Variants in DIDO1 observed in about 807,000 individuals in gnomAD.
The protein encoded by DIDO1 is death-inducer obliterator 1.
DIDO1 carries 16 observed loss-of-function variants against 99.4 expected under a neutral mutation model. The observed-to-expected ratio is 0.16, with a 90% confidence interval of 0.11 to 0.24. The LOEUF is 0.24. Among genes scored for constraint, DIDO1 ranks in the 10% least tolerant of loss-of-function variants. DIDO1 has a pLI of 1.00. For synonymous variants in DIDO1, 1,366 were observed against 1,239.1 expected, an observed-to-expected ratio of 1.10 and a Z score of -2.15; for missense variants, 2,996 against 3,014.0, an observed-to-expected ratio of 0.99 and a Z score of 0.14.
In DIDO1 at chr20:62,879,317, G is replaced by A. The variant is rs920557362; in HGVS notation, c.6639C>T (p.Asp2213=). 5 of 1,569,930 alleles carry A rather than the reference G, an allele frequency of 3.2e-6. No individual in the cohort carries two copies. Among genetic ancestry groups the A allele is most frequent in the Non-Finnish European group, 4.3e-6 (5 of 1,159,904 alleles). ...RDRERGRDRK[D]RSKSKESARD... is the part of the protein sequence containing the mutation. ...GAGCGCTCTCTTTGCTCTTGCTCCG[G>A]TCCTTGCGGTCGCGGCCCCGCTCCC... The change falls in exon 16 of 16, where the codon GAC becomes GAT. Residue 2213 remains aspartate (D), a synonymous_variant. Transcript: ENST00000395343. This position sits in a 1 kb window ranked among gnomAD's most constrained non-coding sequence, Gnocchi z 6.3.
In DIDO1 at chr20:62,907,341, C is replaced by T. The variant is rs1294653395; in HGVS notation, c.1180G>A (p.Ala394Thr). Reference protein sequence around the residue: ...IFQPVIEAPGASKCIGPGCCH... With the variant: ...IFQPVIEAPGTSKCIGPGCCH... ...CACCCGGGGCCAATACATTTTGAGG[C>T]ACCAGGCGCCTCTATCACCTGCAGA... is the stretch of plus-strand genomic sequence containing the variant. The change falls in exon 5 of 16, where the codon GCC (alanine) becomes ACC (threonine). Residue 394 changes from alanine to threonine, a missense_variant. By Grantham distance (58) the Ala-to-Thr change is moderately conservative. Coordinates refer to ENST00000395343, the MANE Select transcript of DIDO1 (RefSeq NM_001193369.2). 1.9e-6 allele frequency: 3 copies of T among 1,614,058 alleles called. No individual in the cohort carries two copies. The highest frequency in any genetic ancestry group is 2.5e-6 in the Non-Finnish European group (3 of 1,180,034).
At position 62,886,218 on chromosome 20, in the gene DIDO1, C is replaced by T. The variant is rs970531996; in HGVS notation, c.3542-3804G>A. Among the ~76,000 whole-genome samples the T allele has an allele frequency of 3.3e-5, 5 of 152,248 alleles. No individual in the cohort carries two copies. In the South Asian group the frequency reaches 6.2e-4, roughly 19 times the overall value. ...GACCAGGGCCTGGAGACGCCAGCTG[C>T]GGCTAAACGTGCCCCTGCACTTCCA... is the stretch of plus-strand genomic sequence containing the variant. On this transcript the variant is annotated intron_variant, in intron 15 of 15. Transcript: ENST00000395343.
Position 62,894,987 on chromosome 20 carries a change from A to T in DIDO1, c.2331+62T>A. ...GAAAGCATCGCTTATGCAGCCGTCT[A>T]TGAATTTATTTCTATTAAGCTCGAG... On this transcript the variant is annotated intron_variant, in intron 9 of 15. Transcript: ENST00000395343. The surrounding 1 kb of genome is among the most constrained non-coding windows in gnomAD (Gnocchi z 4.4). The T allele has an allele frequency of 2.5e-6, 4 of 1,597,614 alleles. No individual in the cohort carries two copies. Among genetic ancestry groups the T allele is most frequent in the Non-Finnish European group, 3.4e-6 (4 of 1,166,252 alleles).
At chr20:62,900,927 T>C (rs531487614) in intron 6 of DIDO1, among the ~76,000 whole-genome samples, 1 of 152,354 alleles carries the variant, frequency 6.6e-6, no homozygotes, top group South Asian at 2.1e-4. Context: ...GTCAGGCCTA[T>C]TTGCAGCCCT....
At chr20:62,882,485 T>G in intron 15 of DIDO1, 71 bp from the exon 16 acceptor site, 1 of 1,421,144 alleles carries the variant, frequency 7.0e-7, no homozygotes, top group Non-Finnish European at 9.6e-7. Context: ...GTGAATTTCA[T>G]TAAGGGCTTT....
chr20:62,893,550 T>C, intron 12 of DIDO1, 116 bp downstream of exon 12: 1 of 1,237,864 alleles, frequency 8.1e-7, no homozygotes, highest in South Asian at 1.7e-5. Context: ...GATGAAAGAG[T>C]GAAGCTGTAT....
At chr20:62,915,378 T>C (rs1042449437) in intron 1 of DIDO1, among the ~76,000 whole-genome samples, 1 of 152,210 alleles carries the variant, frequency 6.6e-6, no homozygotes, top group Non-Finnish European at 1.5e-5. Context: ...ATCTCTTCAA[T>C]GTGGTAAAAC....
Position 62,880,364 on chromosome 20 carries a change from C to T in DIDO1, c.5592G>A (p.Thr1864=), listed in dbSNP as rs776344696. The part of the protein sequence containing the change: ...EFQDAPYNEV[T]GAPAQFEGTE... ...TCCCTTCAAACTGGGCGGGGGCGCC[C>T]GTCACCTCGTTATACGGGGCGTCCT... The change falls in exon 16 of 16, where the codon ACG becomes ACA. Residue 1864 remains threonine, a synonymous_variant. Coordinates refer to ENST00000395343, the MANE Select transcript of DIDO1 (RefSeq NM_001193369.2). 7 of 1,612,824 alleles carry T rather than the reference C, an allele frequency of 4.3e-6. No homozygotes were observed. The South Asian group carries it at 5.5e-5, about 13-fold the overall frequency.
rs780170493 is a variant in DIDO1, at chr20:62,911,535, T to C, written c.78A>G (p.Thr26=). ...CGATAGTGGTCCTTCGAAAACCCCA[T>C]GTTTTCCTGAACTCTTTGCTGGTGG... The part of the protein sequence containing the change: ...IKPTSKEFRK[T]WGFRRTTIAK... Residue 26 remains threonine, a synonymous_variant, in exon 3 of 16, where the codon ACA becomes ACG. Coordinates refer to ENST00000395343, the MANE Select transcript of DIDO1 (RefSeq NM_001193369.2). The surrounding 1 kb of genome is among the most constrained non-coding windows in gnomAD (Gnocchi z 7.0). 5 of 1,612,506 alleles carry C rather than the reference T, an allele frequency of 3.1e-6. No homozygotes were observed. The highest frequency in any genetic ancestry group is 2.7e-5 in the African/African-American group (2 of 74,944).
Position 62,881,060 on chromosome 20 carries a change from G to C in DIDO1, c.4896C>G (p.Asp1632Glu), listed in dbSNP as rs2064194324. 6 of 1,607,546 alleles carry C rather than the reference G, an allele frequency of 3.7e-6. No individual in the cohort carries two copies. Among genetic ancestry groups the C allele is most frequent in the Non-Finnish European group, 5.1e-6 (6 of 1,179,086 alleles). ...CCTCCCCAGGCTCTGCCTTCCAGCC[G>C]TCCTGCTCGGACCCCGCTGGGGGCT... Reference protein sequence around the residue: ...GEKPPAGSEQDGWKAEPGEGT... With the variant: ...GEKPPAGSEQEGWKAEPGEGT... Residue 1632 changes from aspartate to glutamate, a missense_variant, in exon 16 of 16, where the codon GAC becomes GAG. Asp to Glu is a conservative substitution (Grantham distance 45, BLOSUM62 2). This residue lies in a region of DIDO1 where 1,562 missense variants were observed against 1,412.6 expected (regional missense o/e 1.11). Coordinates refer to ENST00000395343, the MANE Select transcript of DIDO1 (RefSeq NM_001193369.2). The surrounding 1 kb of genome is among the most constrained non-coding windows in gnomAD (Gnocchi z 8.3).
Position 62,882,368 on chromosome 20 carries a change from G to C in DIDO1, c.3588C>G (p.Cys1196Trp). 6.2e-7 allele frequency: 1 copy of C among 1,613,878 alleles called. No homozygotes were observed. The highest frequency in any genetic ancestry group is 8.5e-7 in the Non-Finnish European group (1 of 1,179,970). ...RPNIILGLVI[C>W]QKIKRPANSG... ...TGTTTGCGGGACGTTTGATTTTTTG[G>C]CAGATTACTAACCCAAGAATTATAT... The change falls in exon 16 of 16, where the codon TGC becomes TGG. Residue 1196 changes from cysteine (C) to tryptophan (W), a missense_variant. Around this residue, in one of 5 missense-constraint regions of DIDO1, gnomAD observed 135 missense variants for 202.3 expected, o/e 0.67. Coordinates refer to ENST00000395343, the MANE Select transcript of DIDO1 (RefSeq NM_001193369.2).
chr20:62,885,126 C>T (rs2064277102), intron 15 of DIDO1, among the ~76,000 whole-genome samples: 1 of 152,362 alleles, frequency 6.6e-6, no homozygotes. Context: ...GAGCCCACCA[C>T]GCCCTGGGGT....
At position 62,882,274 on chromosome 20, in the gene DIDO1, A is replaced by G. The variant is rs1568827450; in HGVS notation, c.3682T>C (p.Tyr1228His). The G allele has an allele frequency of 1.2e-6, 2 of 1,613,960 alleles. No individual in the cohort carries two copies. The highest frequency in any genetic ancestry group is 1.7e-6 in the Non-Finnish European group (2 of 1,180,022). ...TGCGGGACTGTGGCTACTTTTGGATAGGCCGGAACGTCCGCTTCTTCCGGT... is the reference window on the plus strand; with the variant it reads ...TGCGGGACTGTGGCTACTTTTGGATGGGCCGGAACGTCCGCTTCTTCCGGT... ...LQPEEADVPA[Y>H]PKVATVPQSE... The change falls in exon 16 of 16, where the codon TAT (tyrosine) becomes CAT (histidine). Residue 1228 changes from tyrosine to histidine, a missense_variant. Tyr to His is a moderately conservative substitution (Grantham distance 83). Coordinates refer to ENST00000395343, the MANE Select transcript of DIDO1 (RefSeq NM_001193369.2).
Position 62,881,602 on chromosome 20 carries a change from C to G in DIDO1, c.4354G>C (p.Val1452Leu). The G allele has an allele frequency of 6.2e-7, 1 of 1,612,222 alleles. No homozygotes were observed. Among genetic ancestry groups the G allele is most frequent in the South Asian group, 1.1e-5 (1 of 91,080 alleles). ...DDLPNRMCADVRRNSVERPAE... is the reference protein window; with the variant it reads ...DDLPNRMCADLRRNSVERPAE... ...GGCCTCTCCACGGAGTTCCTTCTCA[C>G]GTCGGCACACATCCTGTTGGGCAGG... The change falls in exon 16 of 16, where the codon GTG (valine) becomes CTG (leucine). Residue 1452 changes from valine (V) to leucine (L), a missense_variant. By Grantham distance (32) the Val-to-Leu change is conservative. Coordinates refer to ENST00000395343, the MANE Select transcript of DIDO1 (RefSeq NM_001193369.2). This position sits in a 1 kb window ranked among gnomAD's most constrained non-coding sequence, Gnocchi z 8.3.
At chr20:62,912,517 T>C (rs1319675589) in intron 2 of DIDO1, among the ~76,000 whole-genome samples, 1 of 152,134 alleles carries the variant, frequency 6.6e-6, no homozygotes, top group African/African-American at 2.4e-5. Context: ...TTTTTCTGTA[T>C]TATTTTTCAC....
intron 1 of DIDO1, among the ~76,000 whole-genome samples, chr20:62,935,394 T>C (rs1038705096): frequency 6.6e-6 from 1 of 152,194 alleles, no homozygotes; most frequent in African/African-American, 2.4e-5. Flanking sequence ...AGCTTACCAT[T>C]TTATGCTGAA....
intron 15 of DIDO1, chr20:62,889,706 C>T: frequency 2.0e-6 from 2 of 985,432 alleles, no homozygotes; most frequent in Non-Finnish European, 2.4e-6. Flanking sequence ...ACACCAAGAA[C>T]CTCTACCAGG....
rs139155956 is a variant in DIDO1, at chr20:62,882,036, G to A, written c.3920C>T (p.Ala1307Val). 9.3e-4 allele frequency: 1,507 copies of A among 1,613,622 alleles called. 2 individuals are homozygous for A. Among genetic ancestry groups the A allele is most frequent in the Non-Finnish European group, 1.2e-3 (1,424 of 1,180,038 alleles). ...STAASSTASSASKTASPLEHI... is the reference protein window; with the variant it reads ...STAASSTASSVSKTASPLEHI... ...CTCCAGCGGTGATGCTGTTTTGGAA[G>A]CAGACGAAGCGGTGGAGGAAGCTGC... Residue 1307 changes from alanine to valine, a missense_variant, in exon 16 of 16, where the codon GCT becomes GTT. Around this residue, in one of 5 missense-constraint regions of DIDO1, gnomAD observed 1,562 missense variants for 1,412.6 expected, o/e 1.11. Transcript: ENST00000395343.
chr20:62,913,837 G>C lies in DIDO1; in HGVS notation c.-3+373C>G, dbSNP rs184137590. ...GGAAGAGCTCTAGTTTATAAAACTG[G>C]GTTCTCATTAAAGAGAGAACAGGCT... On this transcript the variant is annotated intron_variant, in intron 2 of 15. Coordinates refer to ENST00000395343, the MANE Select transcript of DIDO1 (RefSeq NM_001193369.2). 1.4e-3 allele frequency among the ~76,000 whole-genome samples: 216 copies of C among 152,270 alleles called. 3 individuals are homozygous for C. The highest frequency in any genetic ancestry group is 0.014 in the Middle Eastern group (4 of 294).
Sources: allele counts gnomAD v4.1 joint callset (sites outside exome capture counted in the v4.1 genomes callset), GRCh38; gene constraint gnomAD v4.1.1; regional missense constraint gnomAD v4.1.1; non-coding constraint Gnocchi (gnomAD v3.1); transcripts MANE v1.5; gene names NCBI Gene and HGNC (gene_info 2026-07-23, HGNC 2026-07-21).